Variants in SLC36A1 observed in about 807,000 individuals in gnomAD.
SLC36A1 encodes solute carrier family 36 member 1.
Under a neutral mutation model 47.5 loss-of-function variants are expected in SLC36A1, and 30 were observed. The ratio of observed to expected loss-of-function variants is 0.63; its 90% CI spans 0.47 to 0.86. The LOEUF (loss-of-function observed/expected upper bound fraction) is 0.86, where lower values mean the gene tolerates loss of function less well. Among genes scored for constraint, SLC36A1 ranks in the 40% least tolerant of loss-of-function variants. The pLI is 0.00. For missense variants in SLC36A1, 517 were observed against 606.0 expected (o/e 0.85, Z 1.54); for synonymous variants, 255 against 249.7 (o/e 1.02, Z -0.20).
At chr5:151,526,876 G>A in the SLC36A1 span, among the ~76,000 whole-genome samples, 1 of 152,100 alleles carries the variant, frequency 6.6e-6, no homozygotes, top group Non-Finnish European at 1.5e-5. Context: ...CATTAGTAGG[G>A]AATAGCTTGG....
At chr5:151,389,808 C>T in the SLC36A1 span, among the ~76,000 whole-genome samples, 12 of 151,788 alleles carry the variant, frequency 7.9e-5, no homozygotes, top group African/African-American at 2.9e-4. Flanking sequence ...CAGTCTATCA[C>T]TGATGGACAT....
At chr5:151,481,428 C>T (rs1758787889) in intron 10 of SLC36A1, among the ~76,000 whole-genome samples, 2 of 152,324 alleles carry the variant, frequency 1.3e-5, no homozygotes, top group Non-Finnish European at 2.9e-5. Context: ...TATGCGCGTT[C>T]ATTTTGTTCT....
chr5:151,378,047 T>C, the SLC36A1 span: 1 of 286,592 alleles, frequency 3.5e-6, no homozygotes, highest in Non-Finnish European at 7.0e-6. Flanking sequence ...TATTAAGCTG[T>C]TGAGCAAGGG....
chr5:151,475,225 T>C (rs908871054), intron 8 of SLC36A1, among the ~76,000 whole-genome samples: 1 of 152,204 alleles, frequency 6.6e-6, no homozygotes, highest in Non-Finnish European at 1.5e-5. Flanking sequence ...AAGAAGAGGC[T>C]GAGAAAGTGT....
chr5:151,517,577 C>T, the SLC36A1 span: 778 of 1,611,822 alleles, frequency 4.8e-4, no homozygotes, highest in Non-Finnish European at 6.4e-4. Context: ...CCTCCCCAGC[C>T]TGGGACACCC....
At chr5:151,555,884 C>A in the SLC36A1 span, among the ~76,000 whole-genome samples, 1 of 152,134 alleles carries the variant, frequency 6.6e-6, no homozygotes, top group Admixed American at 6.5e-5. Flanking sequence ...GGTCACTAAC[C>A]AAAGCCTTTC....
chr5:151,516,717 AC>A, the SLC36A1 span, among the ~76,000 whole-genome samples: 1 of 152,228 alleles, frequency 6.6e-6, no homozygotes, highest in African/African-American at 2.4e-5. Flanking sequence ...AGACCCAAGC[AC>A]CTAGGACAGT....
rs1554113590 is a variant in SLC36A1 at position 151,468,301 on chromosome 5, T to TATATATAAA, written c.723+383_723+384insAAATATATA. ...TATATATATATATATATATTTTATA[T>TATATATAAA]ATATATATTTACATATATGTGTATA... is the stretch of plus-strand genomic sequence containing the variant. On this transcript the variant is annotated intron_variant, in intron 7 of 10. Coordinates refer to ENST00000243389, the MANE Select transcript of SLC36A1 (RefSeq NM_078483.4). 8.8e-4 allele frequency among the ~76,000 whole-genome samples: 82 copies of TATATATAAA among 93,356 alleles called. 3 individuals are homozygous for TATATATAAA. Among genetic ancestry groups the TATATATAAA allele is most frequent in the South Asian group, 5.1e-3 (12 of 2,366 alleles). 61.2% of individuals were successfully genotyped at this position (93,356 alleles called of 152,430 possible).
intron 1 of SLC36A1, 112 bp from the exon 2 acceptor site, chr5:151,458,676 C>A: frequency 8.8e-7 from 1 of 1,142,616 alleles, no homozygotes; most frequent in Non-Finnish European, 1.2e-6. Flanking sequence ...CATAGTGGAG[C>A]TGTCACAGTG....
intron 6 of SLC36A1, 92 bp downstream of exon 6, chr5:151,467,375 A>G: frequency 2.2e-6 from 2 of 890,146 alleles, no homozygotes; most frequent in Non-Finnish European, 3.5e-6. Context: ...TTTTTTCCAA[A>G]TCAGCTTTTG....
chr5:151,520,048 G>T, the SLC36A1 span, among the ~76,000 whole-genome samples: 1 of 152,180 alleles, frequency 6.6e-6, no homozygotes, highest in Non-Finnish European at 1.5e-5. Flanking sequence ...AGCAGGCCCT[G>T]GGGCAAGAAA....
the SLC36A1 span, among the ~76,000 whole-genome samples, chr5:151,525,077 C>T: frequency 6.6e-6 from 1 of 152,220 alleles, no homozygotes; most frequent in South Asian, 2.1e-4. Flanking sequence ...CAAATGGCCT[C>T]GCATGTAGTA....
At chr5:151,391,205 T>C in the SLC36A1 span, among the ~76,000 whole-genome samples, 1 of 152,136 alleles carries the variant, frequency 6.6e-6, no homozygotes, top group African/African-American at 2.4e-5. Flanking sequence ...TTTGGCTCTC[T>C]GTCTGTTATT....
the SLC36A1 span, chr5:151,537,654 C>G: frequency 1.3e-6 from 1 of 790,444 alleles, no homozygotes; most frequent in Non-Finnish European, 2.0e-6. Context: ...CAGTACAATG[C>G]TTGGCACATA....
chr5:151,483,723 CAG>C (rs1426747010), intron 10 of SLC36A1, among the ~76,000 whole-genome samples: 3 of 152,176 alleles, frequency 2.0e-5, no homozygotes, highest in Non-Finnish European at 4.4e-5. Context: ...GGTGGCAAAA[CAG>C]ATACCCGTGC....
At chr5:151,497,381 T>C in the SLC36A1 span, among the ~76,000 whole-genome samples, 3 of 152,220 alleles carry the variant, frequency 2.0e-5, no homozygotes, top group Non-Finnish European at 4.4e-5. Flanking sequence ...TTTGATATGG[T>C]GGATTCCATT....
chr5:151,499,327 G>A, the SLC36A1 span, among the ~76,000 whole-genome samples: 1 of 152,150 alleles, frequency 6.6e-6, no homozygotes, highest in South Asian at 2.1e-4. Context: ...CTTAGACACC[G>A]CACCACAGGT....
At chr5:151,376,374 T>C in the SLC36A1 span, among the ~76,000 whole-genome samples, 5 of 152,206 alleles carry the variant, frequency 3.3e-5, no homozygotes, top group African/African-American at 1.2e-4. Context: ...ACCAACTTTT[T>C]GTTTTGTTGA....
At chr5:151,371,842 G>A in the SLC36A1 span, among the ~76,000 whole-genome samples, 40 of 152,186 alleles carry the variant, frequency 2.6e-4, no homozygotes, top group South Asian at 3.7e-3. Context: ...ATCTTCCTTG[G>A]TTTTTCTTTT....
Sources: allele counts gnomAD v4.1 joint callset (sites outside exome capture counted in the v4.1 genomes callset), GRCh38; gene constraint gnomAD v4.1.1; transcripts MANE v1.5; gene names NCBI Gene and HGNC (gene_info 2026-07-23, HGNC 2026-07-21).